The following DOCK9 variants were observed in gnomAD, a reference collection of about 807,000 sequenced individuals.
DOCK9 encodes the protein dedicator of cytokinesis 9, also known as dedicator of cytokinesis protein 9.
In DOCK9, 89 loss-of-function variants were observed where a neutral mutation model predicts 263.3. The ratio of observed to expected loss-of-function variants is 0.34; its 90% CI spans 0.28 to 0.40. The LOEUF (loss-of-function observed/expected upper bound fraction) is 0.40, where lower values mean the gene tolerates loss of function less well. DOCK9 is among the 10% of genes least tolerant of loss of function. DOCK9 has a pLI of 1.00. For missense variants in DOCK9, 2,140 were observed against 2,603.4 expected (o/e 0.82, Z 3.87); for synonymous variants, 976 against 973.1 (o/e 1.00, Z -0.06).
chr13:98,978,595 C>A (rs1192880686), upstream of DOCK9, among the ~76,000 whole-genome samples: 1 of 152,162 alleles, frequency 6.6e-6, no homozygotes, highest in Non-Finnish European at 1.5e-5. Context: ...AAAACATTTT[C>A]ATGGGATACC....
chr13:99,068,613 CTCAA>C (rs1274600418), intron 1 of DOCK9, among the ~76,000 whole-genome samples: 1 of 151,906 alleles, frequency 6.6e-6, no homozygotes, highest in African/African-American at 2.4e-5. Flanking sequence ...ACCCTAATAC[CTCAA>C]TCAGTTTTTC....
chr13:98,807,843 C>A, intron 47 of DOCK9, 36 bp from the exon 48 acceptor site: 1 of 1,579,028 alleles, frequency 6.3e-7, no homozygotes, highest in Non-Finnish European at 8.6e-7. Flanking sequence ...TATCCCTGAA[C>A]GTAAGCCCAG....
intron 1 of DOCK9, among the ~76,000 whole-genome samples, chr13:99,061,897 G>A (rs1250873219): frequency 2.0e-5 from 3 of 150,340 alleles, no homozygotes; most frequent in South Asian, 2.1e-4. Context: ...TTTGAGACAC[G>A]GTCTCACTCT....
At chr13:99,009,063 T>C (rs2141914480) in intron 1 of DOCK9, among the ~76,000 whole-genome samples, 1 of 152,380 alleles carries the variant, frequency 6.6e-6, no homozygotes, top group African/African-American at 2.4e-5. Context: ...TCCTGGACAC[T>C]GGCATGCTTA....
At chr13:98,884,459 A>G (rs1179662747) in intron 21 of DOCK9, among the ~76,000 whole-genome samples, 4 of 152,274 alleles carry the variant, frequency 2.6e-5, no homozygotes, top group African/African-American at 9.6e-5. Flanking sequence ...TTATTTAAGC[A>G]TGTTATAAAG....
At chr13:98,913,751 C>CATATATGAATTCATATATTA (rs2050435313) in intron 9 of DOCK9, among the ~76,000 whole-genome samples, 1 of 152,148 alleles carries the variant, frequency 6.6e-6, no homozygotes, top group South Asian at 2.1e-4. Context: ...GCTAAAAAGG[C>CATATATGAATTCATATATTA]AACATCATAA....
At chr13:98,943,626 G>A (rs1422006046) in intron 2 of DOCK9, among the ~76,000 whole-genome samples, 1 of 152,144 alleles carries the variant, frequency 6.6e-6, no homozygotes, top group Non-Finnish European at 1.5e-5. Flanking sequence ...AAGGCCACTG[G>A]TGCCAAGATC....
At chr13:98,943,900 A>G (rs2056332291) in intron 2 of DOCK9, among the ~76,000 whole-genome samples, 1 of 152,226 alleles carries the variant, frequency 6.6e-6, no homozygotes, top group South Asian at 2.1e-4. Context: ...TTTCCATCTG[A>G]TTAAGCTACC....
At chr13:98,796,236 GA>G (rs1203437529) in intron 52 of DOCK9, 6 of 1,580,714 alleles carry the variant, frequency 3.8e-6, no homozygotes, top group Non-Finnish European at 5.2e-6. Context: ...GCATGGAGGA[GA>G]AAAAAAGCAA....
chr13:98,835,492 A>G (rs2092956723), intron 39 of DOCK9, among the ~76,000 whole-genome samples: 1 of 152,048 alleles, frequency 6.6e-6, no homozygotes, highest in South Asian at 2.1e-4. Context: ...AACAGGAAAC[A>G]TTTTTTGCAT....
chr13:98,959,581 T>G (rs993738797), intron 1 of DOCK9: 1 of 152,238 alleles, frequency 6.6e-6, no homozygotes, highest in Non-Finnish European at 1.5e-5. Flanking sequence ...ATACAAATAC[T>G]GGGCACAATG....
At chr13:98,998,353 A>G (rs1881526330) in intron 1 of DOCK9, among the ~76,000 whole-genome samples, 1 of 152,162 alleles carries the variant, frequency 6.6e-6, no homozygotes, top group Non-Finnish European at 1.5e-5. Context: ...GGTATCCACT[A>G]AGACTGATTA....
At chr13:99,021,437 A>T (rs1413779556) in intron 1 of DOCK9, among the ~76,000 whole-genome samples, 1 of 152,174 alleles carries the variant, frequency 6.6e-6, no homozygotes, top group East Asian at 1.9e-4. Flanking sequence ...CAGGTGATTG[A>T]GACCATCCTG....
chr13:98,805,095 T>C lies in DOCK9; in HGVS notation c.5629A>G (p.Asn1877Asp), dbSNP rs370665021. 5.0e-4 allele frequency: 807 copies of C among 1,611,956 alleles called. 4 individuals carry two copies. The highest frequency in any genetic ancestry group is 1.2e-4 in the Non-Finnish European group (147 of 1,179,012). Residue 1877 changes from asparagine (N) to aspartate (D), a missense_variant, in exon 49 of 53, where the codon AAC becomes GAC. Asn to Asp is a conservative substitution (Grantham distance 23, BLOSUM62 1). This residue lies in a region of DOCK9 where 619 missense variants were observed against 861.8 expected (regional missense o/e 0.72). Transcript: ENST00000682017. Reference sequence around the variant, plus strand: ...ATCTCAAACATGAAGCGGCGGATGTTGTGGGATCTCTCAAACTCTGTTTTC... The same window carrying C: ...ATCTCAAACATGAAGCGGCGGATGTCGTGGGATCTCTCAAACTCTGTTTTC... ...ERKTEFERSH[N>D]IRRFMFEMPF...
intron 13 of DOCK9, among the ~76,000 whole-genome samples, chr13:98,901,409 A>T (rs917118217): frequency 6.6e-6 from 1 of 152,194 alleles, no homozygotes; most frequent in African/African-American, 2.4e-5. Context: ...AGCCTCATAT[A>T]TAAGTGTAAG....
intron 1 of DOCK9, among the ~76,000 whole-genome samples, chr13:99,022,134 C>G (rs185991120): frequency 2.4e-4 from 37 of 152,260 alleles, no homozygotes; most frequent in Non-Finnish European, 5.3e-4. Flanking sequence ...TTTTCCCCAT[C>G]TCAATACACA....
At position 98,824,455 on chromosome 13, in the gene DOCK9, G is replaced by A. The variant is rs376858589; in HGVS notation, c.5073C>T (p.Ile1691=). The part of the protein sequence containing the change: ...CTAFRVITPN[I]DEEASMMEDV... ...CTTCCATCATGGAGGCCTCCTCGTC[G>A]ATGTTTGGGGTAATGACCCTGAAGG... The change falls in exon 45 of 53, where the codon ATC becomes ATT. Residue 1691 remains isoleucine (I), a synonymous_variant. Coordinates refer to ENST00000682017, the MANE Select transcript of DOCK9 (RefSeq NM_001366683.2). The A allele has an allele frequency of 1.3e-5, 21 of 1,613,770 alleles. No individual in the cohort carries two copies. The highest frequency in any genetic ancestry group is 2.7e-5 in the African/African-American group (2 of 74,908).
At chr13:99,000,711 C>T (rs138292132) in intron 1 of DOCK9, among the ~76,000 whole-genome samples, 1 of 152,184 alleles carries the variant, frequency 6.6e-6, no homozygotes, top group Non-Finnish European at 1.5e-5. Context: ...GCCCCCAAAC[C>T]TTCCATATTC....
Position 98,793,663 on chromosome 13 carries a change from C to T in DOCK9, c.*963G>A, listed in dbSNP as rs982855357. 4 of 152,576 alleles carry T rather than the reference C, an allele frequency of 2.6e-5. No individual in the cohort carries two copies. Among genetic ancestry groups the T allele is most frequent in the African/African-American group, 9.7e-5 (4 of 41,414 alleles). 9.5% of individuals were successfully genotyped at this position (152,576 alleles called of 1,614,324 possible). ...CAGCTTTAAAGTACACCACCATTCACCACAGGATTTATGATTTACCAATTA... is the reference window on the plus strand; with the variant it reads ...CAGCTTTAAAGTACACCACCATTCATCACAGGATTTATGATTTACCAATTA... On this transcript the variant is annotated 3_prime_UTR_variant, in exon 53 of 53. Coordinates refer to ENST00000682017, the MANE Select transcript of DOCK9 (RefSeq NM_001366683.2).
Sources: allele counts gnomAD v4.1 joint callset (sites outside exome capture counted in the v4.1 genomes callset), GRCh38; gene constraint gnomAD v4.1.1; regional missense constraint gnomAD v4.1.1; transcripts MANE v1.5; gene names NCBI Gene and HGNC (gene_info 2026-07-23, HGNC 2026-07-21).